TAFA1: variants seen among roughly 807,000 people sequenced by gnomAD.
TAFA1 encodes the protein chemokine-like protein TAFA-1.
TAFA1 carries 4 observed loss-of-function variants against 18.5 expected under a neutral mutation model. The observed-to-expected ratio is 0.22, with a 90% CI of 0.11 to 0.49. TAFA1 has a LOEUF of 0.49. TAFA1 is among the 20% of genes least tolerant of loss of function. The pLI is 0.98. For synonymous variants in TAFA1, 56 were observed against 55.2 expected, an observed-to-expected ratio of 1.01 and a Z score of -0.06; for missense variants, 147 against 169.0, an observed-to-expected ratio of 0.87 and a Z score of 0.72.
At chr3:68,082,582 T>C (rs1261069395) in intron 2 of TAFA1, among the ~76,000 whole-genome samples, 4 of 152,226 alleles carry the variant, frequency 2.6e-5, no homozygotes, top group African/African-American at 7.2e-5. Context: ...TAAATTATTT[T>C]GGTTGTTTGA....
At chr3:68,277,788 T>C (rs2067823129) in intron 2 of TAFA1, among the ~76,000 whole-genome samples, 2 of 152,282 alleles carry the variant, frequency 1.3e-5, no homozygotes, top group South Asian at 2.1e-4. Context: ...CACAAAAGCA[T>C]TGAGGTCATC....
At chr3:68,502,274 A>G (rs879350570) in intron 3 of TAFA1, among the ~76,000 whole-genome samples, 2 of 152,134 alleles carry the variant, frequency 1.3e-5, no homozygotes, top group African/African-American at 2.4e-5. Flanking sequence ...TGTTTTACAG[A>G]TAAGGTTTAT....
chr3:68,421,572 C>T (rs1355515631), intron 3 of TAFA1, among the ~76,000 whole-genome samples: 3 of 151,716 alleles, frequency 2.0e-5, no homozygotes, highest in African/African-American at 7.2e-5. Context: ...GATAGAATGA[C>T]ATTTGCTTTC....
chr3:68,483,119 A>G (rs13095210), intron 3 of TAFA1, among the ~76,000 whole-genome samples: 66,531 of 152,068 alleles, frequency 0.44, 15,209 homozygotes, highest in Non-Finnish European at 0.5. Flanking sequence ...TCCAGGCCTC[A>G]GCAAGTAGTC....
chr3:68,383,119 T>A (rs191574223), intron 2 of TAFA1, among the ~76,000 whole-genome samples: 201 of 152,284 alleles, frequency 1.3e-3, no homozygotes, highest in African/African-American at 4.5e-3. Context: ...CTATAGGGTT[T>A]TCTAGATATA....
intron 2 of TAFA1, among the ~76,000 whole-genome samples, chr3:68,147,625 T>A (rs897568802): frequency 6.6e-6 from 1 of 152,200 alleles, no homozygotes; most frequent in Middle Eastern, 3.2e-3. Flanking sequence ...TGCATGTCTC[T>A]ATCTGTGTCT....
chr3:68,403,147 T>A (rs1559653830), intron 2 of TAFA1, among the ~76,000 whole-genome samples: 1 of 152,342 alleles, frequency 6.6e-6, no homozygotes, highest in East Asian at 1.9e-4. Context: ...AGTAATAGGC[T>A]ATACTATCTA....
intron 2 of TAFA1, among the ~76,000 whole-genome samples, chr3:68,341,343 C>G (rs2069079275): frequency 6.6e-6 from 1 of 152,008 alleles, no homozygotes; most frequent in Non-Finnish European, 1.5e-5. Context: ...GATCGCAGAA[C>G]TGGTTAAGCC....
intron 2 of TAFA1, among the ~76,000 whole-genome samples, chr3:68,139,178 A>C (rs1452998942): frequency 6.6e-6 from 1 of 152,206 alleles, no homozygotes; most frequent in Non-Finnish European, 1.5e-5. Context: ...TTATATACAT[A>C]ATATTTATTT....
intron 2 of TAFA1, among the ~76,000 whole-genome samples, chr3:68,115,582 T>A (rs2065315276): frequency 6.6e-6 from 1 of 152,166 alleles, no homozygotes; most frequent in Non-Finnish European, 1.5e-5. Context: ...TGATTTTGAG[T>A]AGCAACCCAC....
chr3:68,141,271 A>T (rs1385174318), intron 2 of TAFA1, among the ~76,000 whole-genome samples: 1 of 152,198 alleles, frequency 6.6e-6, no homozygotes, highest in Non-Finnish European at 1.5e-5. Context: ...TAAGGTGGAC[A>T]CTTCTTTAAT....
chr3:68,056,196 G>C (rs999913270), intron 2 of TAFA1, among the ~76,000 whole-genome samples: 1 of 152,084 alleles, frequency 6.6e-6, no homozygotes, highest in East Asian at 1.9e-4. Flanking sequence ...CATTCCACTC[G>C]TGACTAGCAA....
intron 3 of TAFA1, among the ~76,000 whole-genome samples, chr3:68,470,645 C>A (rs971898634): frequency 1.3e-5 from 2 of 152,136 alleles, no homozygotes; most frequent in Non-Finnish European, 2.9e-5. Context: ...GAACTTTGAA[C>A]TTGAGGGAGT....
At chr3:68,386,485 T>C (rs1484202961) in intron 2 of TAFA1, among the ~76,000 whole-genome samples, 1 of 152,130 alleles carries the variant, frequency 6.6e-6, no homozygotes, top group Non-Finnish European at 1.5e-5. Context: ...GGGTCAATCA[T>C]TTCCATTTTA....
chr3:68,416,046 A>C (rs2070830956), intron 2 of TAFA1, among the ~76,000 whole-genome samples: 1 of 152,112 alleles, frequency 6.6e-6, no homozygotes, highest in Non-Finnish European at 1.5e-5. Flanking sequence ...CCTGCTTCCT[A>C]CCTGAAAGAT....
intron 3 of TAFA1, among the ~76,000 whole-genome samples, chr3:68,442,924 G>A (rs1510363): frequency 0.28 from 41,955 of 151,922 alleles, 6,528 homozygotes; most frequent in East Asian, 0.7. Context: ...TCAGTGGCTT[G>A]ATGCAATAGA....
chr3:68,314,286 G>T (rs2068570746), intron 2 of TAFA1, among the ~76,000 whole-genome samples: 1 of 152,134 alleles, frequency 6.6e-6, no homozygotes, highest in South Asian at 2.1e-4. Context: ...TGGAACACCT[G>T]TTCCTGTCCA....
chr3:68,352,913 C>G (rs2069295118), intron 2 of TAFA1, among the ~76,000 whole-genome samples: 1 of 152,022 alleles, frequency 6.6e-6, no homozygotes, highest in African/African-American at 2.4e-5. Flanking sequence ...ATGACCTTCC[C>G]AGGGTATAGG....
intron 2 of TAFA1, among the ~76,000 whole-genome samples, chr3:68,077,158 TG>T (rs1238211727): frequency 6.7e-6 from 1 of 149,782 alleles, no homozygotes; most frequent in African/African-American, 2.5e-5. Context: ...TGGGGTTGTT[TG>T]TTTTTTTCTT....
Sources: gnomAD v4.1 joint callset for allele counts (sites outside exome capture counted in the v4.1 genomes callset) on GRCh38, gnomAD v4.1.1 for gene constraint, MANE v1.5 for transcripts, NCBI Gene and HGNC (gene_info 2026-07-23, HGNC 2026-07-21) for gene names.